Variants in HECW1 observed in about 807,000 individuals in gnomAD.
HECW1 encodes the protein E3 ubiquitin-protein ligase HECW1.
Under a neutral mutation model 182.3 loss-of-function variants are expected in HECW1, and 61 were observed. The ratio of observed to expected loss-of-function variants is 0.33; its 90% CI spans 0.27 to 0.41. HECW1 has a LOEUF of 0.41. Ranked by LOEUF, HECW1 falls within the 10% of genes least tolerant of loss-of-function variation. The pLI is 1.00. For synonymous variants in HECW1, 859 were observed against 832.6 expected (o/e 1.03, Z -0.55); for missense variants, 1,739 against 2,108.9 (o/e 0.82, Z 3.44).
At chr7:43,320,470 A>T (rs372295954) in intron 4 of HECW1, among the ~76,000 whole-genome samples, 165 bp from the exon 5 acceptor site, 5 of 152,208 alleles carry the variant, frequency 3.3e-5, no homozygotes, top group African/African-American at 1.2e-4. Context: ...TTTGGTCCCA[A>T]TGGCGTCTTG....
rs1172981862 is a variant in HECW1, at chr7:43,562,413, T to C, written c.*487T>C. 4.4e-6 allele frequency: 1 copy of C among 229,260 alleles called. No homozygotes were observed. The highest frequency in any genetic ancestry group is 8.7e-6 in the Non-Finnish European group (1 of 115,574). The allele number at this position is 229,260 out of a possible 1,614,324, so 14.2% of individuals were successfully genotyped here. A position where few individuals can be genotyped will look rare whatever the true frequency, so the allele number is the denominator to read the frequency against. Reference sequence around the variant, plus strand: ...CTAGGAGCTGATCAACTCTTTGTTTTCCTCTCCATCTACTTTTCCCTGTGC... The same window carrying C: ...CTAGGAGCTGATCAACTCTTTGTTTCCCTCTCCATCTACTTTTCCCTGTGC... On this transcript the variant is annotated 3_prime_UTR_variant, in exon 30 of 30. Transcript: ENST00000395891.
intron 24 of HECW1, among the ~76,000 whole-genome samples, chr7:43,534,439 A>G (rs1435578545): frequency 1.3e-5 from 2 of 152,240 alleles, no homozygotes; most frequent in Non-Finnish European, 2.9e-5. Context: ...GGAGAGAAGG[A>G]AGGGAGAGGG....
At chr7:43,165,026 T>C (rs1790956010) in intron 2 of HECW1, among the ~76,000 whole-genome samples, 1 of 152,192 alleles carries the variant, frequency 6.6e-6, no homozygotes, top group African/African-American at 2.4e-5. Context: ...AACTGCTCCC[T>C]TGTTTCAGAA....
chr7:43,322,761 A>G (rs956254532), intron 5 of HECW1, among the ~76,000 whole-genome samples: 4 of 152,224 alleles, frequency 2.6e-5, no homozygotes, highest in Admixed American at 2.0e-4. Flanking sequence ...ATTGTTAGAC[A>G]TAATACTCGA....
intron 24 of HECW1, among the ~76,000 whole-genome samples, chr7:43,527,723 T>G (rs565644430): frequency 6.6e-6 from 1 of 152,206 alleles, no homozygotes; most frequent in African/African-American, 2.4e-5. Context: ...AGTTTAATAA[T>G]GCAGTATTAT....
At chr7:43,115,324 T>C (rs1784956770) in intron 2 of HECW1, among the ~76,000 whole-genome samples, 1 of 145,696 alleles carries the variant, frequency 6.9e-6, no homozygotes, top group Non-Finnish European at 1.5e-5. Flanking sequence ...TTGTCCACTA[T>C]AGCAAAACAT....
intron 4 of HECW1, among the ~76,000 whole-genome samples, chr7:43,317,927 C>T (rs1157189838): frequency 6.6e-6 from 1 of 150,748 alleles, no homozygotes; most frequent in East Asian, 2.0e-4. Flanking sequence ...TCCTGTGGTT[C>T]CTTGATAATT....
chr7:43,361,998 A>C (rs1438396287), intron 6 of HECW1, among the ~76,000 whole-genome samples: 2 of 151,430 alleles, frequency 1.3e-5, no homozygotes. Flanking sequence ...AAAATTAGCC[A>C]GGCATGGTGG....
chr7:43,336,522 C>T (rs1201705373), intron 5 of HECW1, among the ~76,000 whole-genome samples: 1 of 152,014 alleles, frequency 6.6e-6, no homozygotes, highest in Non-Finnish European at 1.5e-5. Flanking sequence ...TCTGTGCAGA[C>T]CATGACTTTT....
intron 3 of HECW1, among the ~76,000 whole-genome samples, chr7:43,299,298 C>T (rs1326176115): frequency 1.3e-5 from 2 of 152,104 alleles, no homozygotes; most frequent in African/African-American, 2.4e-5. Flanking sequence ...TGGGAGAGGC[C>T]GTGGGGCTGG....
At chr7:43,211,631 C>T (rs886324092) in intron 2 of HECW1, among the ~76,000 whole-genome samples, 2 of 152,180 alleles carry the variant, frequency 1.3e-5, no homozygotes, top group Non-Finnish European at 2.9e-5. Flanking sequence ...TAAAATTGAC[C>T]TGCTAGAATA....
rs943884347 is a variant in HECW1, at chr7:43,565,122, G to C, written c.*3196G>C. The C allele has an allele frequency of 1.0e-5, 2 of 198,500 alleles. No individual in the cohort carries two copies. The highest frequency in any genetic ancestry group is 2.1e-5 in the Non-Finnish European group (2 of 96,140). 12.3% of individuals were successfully genotyped at this position (198,500 alleles called of 1,614,324 possible). A position where few individuals can be genotyped will look rare whatever the true frequency, so the allele number is the denominator to read the frequency against. ...GATATCACAAATGTTTTATTCTACAGTGTGAAGATGATAATCCTAAAAATG... is the reference window on the plus strand; with the variant it reads ...GATATCACAAATGTTTTATTCTACACTGTGAAGATGATAATCCTAAAAATG... On this transcript the variant is annotated 3_prime_UTR_variant, in exon 30 of 30. Transcript: ENST00000395891.
intron 4 of HECW1, 56 bp from the exon 5 acceptor site, chr7:43,320,579 A>C: frequency 8.3e-7 from 1 of 1,211,252 alleles, no homozygotes; most frequent in South Asian, 1.2e-5. Flanking sequence ...TATTCCCCTA[A>C]ATATGCTGTT....
intron 3 of HECW1, among the ~76,000 whole-genome samples, chr7:43,309,450 T>C (rs1044683589): frequency 7.2e-5 from 11 of 152,324 alleles, no homozygotes; most frequent in Admixed American, 4.6e-4. Context: ...CAGTGATCAC[T>C]GGCGTAATTT....
chr7:43,239,511 G>A (rs910673240), intron 2 of HECW1, among the ~76,000 whole-genome samples: 1 of 152,144 alleles, frequency 6.6e-6, no homozygotes. Flanking sequence ...TAGAAGAGGC[G>A]GGCCGTAAAT....
At chr7:43,401,859 C>T (rs766534990) in intron 7 of HECW1, among the ~76,000 whole-genome samples, 7 of 151,816 alleles carry the variant, frequency 4.6e-5, no homozygotes, top group Non-Finnish European at 1.0e-4. Flanking sequence ...GCCCACCATG[C>T]CCCTCTATCT....
intron 12 of HECW1, among the ~76,000 whole-genome samples, chr7:43,454,243 C>G (rs181586616): frequency 5.3e-5 from 8 of 152,332 alleles, no homozygotes; most frequent in Non-Finnish European, 7.3e-5. Context: ...CTGGCACAGT[C>G]TCTAGTTCAG....
At chr7:43,184,334 A>C (rs1407449029) in intron 2 of HECW1, among the ~76,000 whole-genome samples, 1 of 152,138 alleles carries the variant, frequency 6.6e-6, no homozygotes, top group Non-Finnish European at 1.5e-5. Context: ...TATTCTCACC[A>C]TGTCCAATTT....
chr7:43,409,140 T>C (rs1198286900), intron 8 of HECW1, among the ~76,000 whole-genome samples: 1 of 152,218 alleles, frequency 6.6e-6, no homozygotes, highest in Non-Finnish European at 1.5e-5. Flanking sequence ...CTGGGCTTAA[T>C]TAGCGCTCTC....
Sources: allele counts gnomAD v4.1 joint callset (sites outside exome capture counted in the v4.1 genomes callset), GRCh38; gene constraint gnomAD v4.1.1; transcripts MANE v1.5; gene names NCBI Gene and HGNC (gene_info 2026-07-23, HGNC 2026-07-21).